Variants in WDR41 observed in about 807,000 individuals in gnomAD.
WDR41 encodes WD repeat-containing protein 41.
A neutral mutation model predicts 69.3 loss-of-function variants in WDR41; 63 were observed. The ratio of observed to expected loss-of-function variants is 0.91; its 90% CI spans 0.74 to 1.12. The LOEUF (loss-of-function observed/expected upper bound fraction) is 1.12, where lower values mean the gene tolerates loss of function less well. WDR41 is among the 50% of genes most tolerant of loss of function. The pLI, the probability that WDR41 is intolerant of heterozygous loss-of-function variation, is 0.00. For synonymous variants in WDR41, 185 were observed against 192.1 expected (o/e 0.96, Z 0.31); for missense variants, 543 against 534.5 (o/e 1.02, Z -0.16).
At chr5:77,532,987 ACTTC>A (rs567455920) in intron 1 of WDR41, among the ~76,000 whole-genome samples, 185 of 152,194 alleles carry the variant, frequency 1.2e-3, no homozygotes, top group African/African-American at 4.4e-3. Context: ...TATGTTATGT[ACTTC>A]CTTGCATGTA....
At chr5:77,540,418 C>T (rs554959946) in intron 1 of WDR41, 7 of 152,326 alleles carry the variant, frequency 4.6e-5, no homozygotes, top group Non-Finnish European at 1.0e-4. Flanking sequence ...ACGTAATGAT[C>T]CTTTTAAAAC....
chr5:77,554,116 A>G (rs529848441), intron 1 of WDR41, among the ~76,000 whole-genome samples: 40 of 152,332 alleles, frequency 2.6e-4, no homozygotes, highest in Middle Eastern at 3.4e-3. Context: ...GTTGATACAT[A>G]TGACTTGGAT....
chr5:77,618,552 T>A (rs1744720629), intron 1 of WDR41, among the ~76,000 whole-genome samples: 1 of 152,080 alleles, frequency 6.6e-6, no homozygotes, highest in South Asian at 2.1e-4. Flanking sequence ...TTTGTATTTT[T>A]AGTAGAGATG....
intron 2 of WDR41, among the ~76,000 whole-genome samples, chr5:77,486,177 C>A (rs1025947625): frequency 1.3e-5 from 2 of 152,060 alleles, no homozygotes; most frequent in Non-Finnish European, 2.9e-5. Flanking sequence ...ATGACTCTTT[C>A]GGTTTTTCTT....
At chr5:77,530,954 T>C (rs541290786) in intron 1 of WDR41, among the ~76,000 whole-genome samples, 1 of 151,572 alleles carries the variant, frequency 6.6e-6, no homozygotes, top group Admixed American at 6.6e-5. Flanking sequence ...GATACTCACA[T>C]GCAAAAAAAA....
chr5:77,479,496 C>A (rs1423573062), intron 2 of WDR41, among the ~76,000 whole-genome samples: 4 of 151,958 alleles, frequency 2.6e-5, no homozygotes. Flanking sequence ...TGGAAAAGAA[C>A]AGAGCCCTCA....
intron 1 of WDR41, among the ~76,000 whole-genome samples, chr5:77,517,325 C>T (rs1802304222): frequency 6.6e-6 from 1 of 152,038 alleles, no homozygotes; most frequent in South Asian, 2.1e-4. Context: ...TCACAAATCT[C>T]ATCAACTTCT....
chr5:77,477,790 C>T (rs1367653542), intron 2 of WDR41, among the ~76,000 whole-genome samples: 2 of 129,268 alleles, frequency 1.5e-5, no homozygotes, highest in African/African-American at 6.7e-5. Context: ...CAAACACATT[C>T]AAAAGCTAGC....
At chr5:77,589,508 T>C (rs1236046509) in intron 1 of WDR41, among the ~76,000 whole-genome samples, 2 of 152,230 alleles carry the variant, frequency 1.3e-5, no homozygotes, top group African/African-American at 4.8e-5. Flanking sequence ...CTTCCAAATC[T>C]ACATATGGTA....
Position 77,561,516 on chromosome 5 carries a change from A to G in WDR41, c.42+58963T>C, listed in dbSNP as rs183892936. ...TCTACAACATTTAAATAATGTTTCT[A>G]TTATTAGAAATCTTCATTGGACAAT... On this transcript the variant is annotated intron_variant, in intron 1 of 5. Transcript: ENST00000509971. Among the ~76,000 whole-genome samples, 118 of 152,250 alleles carry G rather than the reference A, an allele frequency of 7.8e-4. No individual in the cohort carries two copies. The Middle Eastern group carries it at 0.01, about 13-fold the overall frequency.
intron 1 of WDR41, among the ~76,000 whole-genome samples, chr5:77,575,309 G>C (rs970091972): frequency 1.3e-5 from 2 of 152,182 alleles, no homozygotes; most frequent in Non-Finnish European, 2.9e-5. Context: ...ACTTTGCAAT[G>C]AGATAATTTA....
intron 1 of WDR41, among the ~76,000 whole-genome samples, chr5:77,549,661 T>C (rs1743262251): frequency 6.6e-6 from 1 of 152,148 alleles, no homozygotes; most frequent in African/African-American, 2.4e-5. Context: ...GCTCATGGAT[T>C]GGAAGAATCA....
At chr5:77,550,963 A>T (rs1374604458) in intron 1 of WDR41, among the ~76,000 whole-genome samples, 1 of 152,238 alleles carries the variant, frequency 6.6e-6, no homozygotes, top group African/African-American at 2.4e-5. Flanking sequence ...AGAAAACCAA[A>T]TACCACAGGT....
At chr5:77,565,605 T>A (rs1743610644) in intron 1 of WDR41, among the ~76,000 whole-genome samples, 1 of 152,058 alleles carries the variant, frequency 6.6e-6, no homozygotes, top group African/African-American at 2.4e-5. Context: ...CTATAAGGGA[T>A]TTAAAAGGGA....
At chr5:77,578,850 G>A (rs1320307643) in intron 1 of WDR41, among the ~76,000 whole-genome samples, 15 of 97,146 alleles carry the variant, frequency 1.5e-4, no homozygotes, top group Non-Finnish European at 2.2e-4. Context: ...AGTGACAAGA[G>A]CAAAACTCCA....
At chr5:77,516,623 G>GC (rs1168362512) in intron 1 of WDR41, among the ~76,000 whole-genome samples, 2 of 152,134 alleles carry the variant, frequency 1.3e-5, no homozygotes, top group African/African-American at 4.8e-5. Flanking sequence ...ACTCTGTGTG[G>GC]CCTCTGTATT....
At chr5:77,476,718 C>A (rs1010972231) in intron 2 of WDR41, among the ~76,000 whole-genome samples, 7 of 151,284 alleles carry the variant, frequency 4.6e-5, no homozygotes, top group African/African-American at 1.7e-4. Context: ...GCTGCAAAAT[C>A]ATGCCAAAAT....
intron 2 of WDR41, among the ~76,000 whole-genome samples, chr5:77,474,693 A>G (rs1385294880): frequency 9.8e-5 from 12 of 122,716 alleles, no homozygotes; most frequent in Admixed American, 6.9e-4. Flanking sequence ...TTAGCTCACA[A>G]ACAAAGATTG....
intron 1 of WDR41, among the ~76,000 whole-genome samples, chr5:77,580,684 G>A (rs1043896533): frequency 6.6e-5 from 10 of 152,102 alleles, no homozygotes; most frequent in East Asian, 3.8e-4. Context: ...GGCTGGGCAC[G>A]GTGGTTCATG....
Sources: allele counts gnomAD v4.1 joint callset (sites outside exome capture counted in the v4.1 genomes callset), GRCh38; gene constraint gnomAD v4.1.1; transcripts MANE v1.5; gene names NCBI Gene and HGNC (gene_info 2026-07-23, HGNC 2026-07-21).